CLGN: variants seen among roughly 807,000 people sequenced by gnomAD.
CLGN encodes calmegin.
In CLGN, 62 loss-of-function variants were observed where a neutral mutation model predicts 79.1. That is an observed-to-expected ratio of 0.78 (90% confidence interval 0.64 to 0.97). CLGN has a LOEUF of 0.97. CLGN is among the 50% of genes least tolerant of loss of function. The pLI is 0.00. For missense variants in CLGN, 647 were observed against 715.5 expected (o/e 0.90, Z 1.09); for synonymous variants, 225 against 224.7 (o/e 1.00, Z -0.01).
intron 6 of CLGN, among the ~76,000 whole-genome samples, 189 bp downstream of exon 6, chr4:140,401,796 C>T (rs918031590): frequency 9.9e-5 from 15 of 151,978 alleles, no homozygotes; most frequent in Non-Finnish European, 1.5e-4. Flanking sequence ...AAAATTGATG[C>T]CTTCAAGTAA....
At chr4:140,396,231 T>G in intron 8 of CLGN, 26 bp from the exon 9 acceptor site, 1 of 1,522,214 alleles carries the variant, frequency 6.6e-7, no homozygotes, top group Non-Finnish European at 9.1e-7. Context: ...TTTATATTAC[T>G]AATTATTCAG....
chr4:140,396,286 A>G, intron 8 of CLGN, 81 bp from the exon 9 acceptor site: 1 of 1,141,826 alleles, frequency 8.8e-7, no homozygotes, highest in Non-Finnish European at 1.3e-6. Flanking sequence ...GTACCATAAA[A>G]TTATTTCCCT....
intron 1 of CLGN, 76 bp from the exon 2 acceptor site, chr4:140,413,163 A>T: frequency 4.5e-6 from 5 of 1,102,586 alleles, no homozygotes; most frequent in Non-Finnish European, 6.6e-6. Flanking sequence ...AGAAATAAAT[A>T]ATTTCTCCAT....
In CLGN at chr4:140,396,134, G is replaced by A; in HGVS notation, c.956C>T (p.Pro319Leu). ...VKPAGWLDDE[P>L]KFIPDPNAEK... The stretch of plus-strand genomic sequence containing the variant: ...AGCATTAGGATCAGGGATAAATTTT[G>A]GTTCATCATCAAGCCAGCCAGCAGG... The change falls in exon 9 of 15, where the codon CCA becomes CTA. Residue 319 changes from proline to leucine, a missense_variant. Pro to Leu is a moderately conservative substitution (Grantham distance 98, BLOSUM62 -3). Transcript: ENST00000325617. The A allele has an allele frequency of 6.2e-7, 1 of 1,614,086 alleles. No individual in the cohort carries two copies. Among genetic ancestry groups the A allele is most frequent in the African/African-American group, 1.3e-5 (1 of 75,014 alleles).
At position 140,395,654 on chromosome 4, in the gene CLGN, T is replaced by C. The variant is rs183348120; in HGVS notation, c.1149+165A>G. ...TTTATTTCCCCAGAAAATTAAATAA[T>C]TGATGCTCTACTTTTAAAATATAAA... On this transcript the variant is annotated intron_variant, in intron 10 of 14. Transcript: ENST00000325617. 3.2e-3 allele frequency among the ~76,000 whole-genome samples: 484 copies of C among 152,320 alleles called. 5 individuals carry two copies. The highest frequency in any genetic ancestry group is 0.011 in the African/African-American group (457 of 41,562).
At chr4:140,401,833 G>C in intron 6 of CLGN, 152 bp downstream of exon 6, 1 of 502,246 alleles carries the variant, frequency 2.0e-6, no homozygotes, top group Non-Finnish European at 3.5e-6. Flanking sequence ...ACTTGAAGGC[G>C]AATTGTAAGA....
chr4:140,412,904 T>C lies in CLGN; in HGVS notation c.144+31A>G, dbSNP rs1245275368. The stretch of plus-strand genomic sequence containing the variant: ...CACTTCATTGTACTATGTAAAGGAA[T>C]AATTTATAACCCATTTCTCAATAAC... On this transcript the variant is annotated intron_variant, in intron 2 of 14. Transcript: ENST00000325617. 4 of 1,588,922 alleles carry C rather than the reference T, an allele frequency of 2.5e-6. No homozygotes were observed. In the African/African-American group the frequency reaches 5.4e-5, roughly 21 times the overall value.
chr4:140,389,049 T>C lies in CLGN; in HGVS notation c.*175A>G. The C allele has an allele frequency of 1.7e-6, 1 of 579,328 alleles. No homozygotes were observed. The highest frequency in any genetic ancestry group is 2.3e-5 in the South Asian group (1 of 43,036). The allele number at this position is 579,328 out of a possible 1,614,324, so 35.9% of individuals were successfully genotyped here. A position where few individuals can be genotyped will look rare whatever the true frequency, so the allele number is the denominator to read the frequency against. ...ATTCTAAATTCAAAGATGAGGTAAC[T>C]TCAAAGTTGCTTCTTTTTCCTCTGA... is the stretch of plus-strand genomic sequence containing the variant. On this transcript the variant is annotated 3_prime_UTR_variant, in exon 15 of 15. Transcript: ENST00000325617.
At position 140,406,092 on chromosome 4, in the gene CLGN, T is replaced by C. The variant is rs756266382; in HGVS notation, c.278-9A>G. 4 of 1,610,892 alleles carry C rather than the reference T, an allele frequency of 2.5e-6. No homozygotes were observed. The highest frequency in any genetic ancestry group is 3.4e-6 in the Non-Finnish European group (4 of 1,178,894). On this transcript the variant is annotated splice_polypyrimidine_tract_variant and intron_variant, in intron 4 of 14. Transcript: ENST00000325617. ...TTCAATTTCCCATCTTCCTAAAAAA[T>C]AAAGCAAAGCAAATTAAACTAAAAC...
intron 10 of CLGN, among the ~76,000 whole-genome samples, chr4:140,394,248 T>C (rs1728829074): frequency 6.6e-6 from 1 of 152,290 alleles, no homozygotes; most frequent in Non-Finnish European, 1.5e-5. Flanking sequence ...GATACTAACT[T>C]TAAATTCTGC....
chr4:140,409,800 A>G lies in CLGN; in HGVS notation c.277+37T>C, dbSNP rs1729177110. ...CTCAAAGTTTAGTGAACTCCAGGCC[A>G]TACTGGTTATATCTAATACTTAAAT... On this transcript the variant is annotated intron_variant, in intron 4 of 14. Transcript: ENST00000325617. 3 of 1,385,390 alleles carry G rather than the reference A, an allele frequency of 2.2e-6. No homozygotes were observed. The East Asian group carries it at 7.3e-5, about 33-fold the overall frequency. The allele number at this position is 1,385,390 out of a possible 1,614,324, so 85.8% of individuals were successfully genotyped here.
chr4:140,416,443 A>T (rs576755449), intron 1 of CLGN, among the ~76,000 whole-genome samples: 28 of 151,012 alleles, frequency 1.9e-4, no homozygotes, highest in African/African-American at 6.8e-4. Context: ...AACAAAATTG[A>T]TAGACTGCTA....
chr4:140,420,556 A>ATTT (rs1560749173), intron 1 of CLGN, among the ~76,000 whole-genome samples: 7 of 145,064 alleles, frequency 4.8e-5, no homozygotes, highest in African/African-American at 1.9e-4. Flanking sequence ...CTTTTTTTTA[A>ATTT]AAAAAAAAAT....
At chr4:140,423,503 T>C (rs150306976) in intron 1 of CLGN, among the ~76,000 whole-genome samples, 61 of 152,348 alleles carry the variant, frequency 4.0e-4, no homozygotes, top group African/African-American at 1.4e-3. Context: ...TTTCTTGTAG[T>C]GTCTTTGGCT....
intron 7 of CLGN, 61 bp downstream of exon 7, chr4:140,400,296 C>T: frequency 8.1e-7 from 1 of 1,237,272 alleles, no homozygotes; most frequent in Non-Finnish European, 1.2e-6. Flanking sequence ...AAGCACTTGC[C>T]ATGAATACAT....
chr4:140,391,676 C>T (rs1388784036), intron 13 of CLGN, among the ~76,000 whole-genome samples: 1 of 151,816 alleles, frequency 6.6e-6, no homozygotes, highest in Non-Finnish European at 1.5e-5. Flanking sequence ...CGGACAGCCA[C>T]CAAAGGGTGA....
intron 6 of CLGN, among the ~76,000 whole-genome samples, chr4:140,401,451 T>G (rs184010463): frequency 6.6e-6 from 1 of 152,324 alleles, no homozygotes. Flanking sequence ...TTCTGTTATA[T>G]GCAGAAAGTC....
At chr4:140,405,873 A>G in intron 5 of CLGN, 69 bp downstream of exon 5, 6 of 1,455,034 alleles carry the variant, frequency 4.1e-6, no homozygotes, top group Non-Finnish European at 5.5e-6. Context: ...TTCAAAATAC[A>G]AGCTATATTC....
chr4:140,393,957 C>G lies in CLGN; in HGVS notation c.1234G>C (p.Gly412Arg). 1 of 1,613,518 alleles carries G rather than the reference C, an allele frequency of 6.2e-7. No individual in the cohort carries two copies. The highest frequency in any genetic ancestry group is 8.5e-7 in the Non-Finnish European group (1 of 1,179,640). Residue 412 changes from glycine (G) to arginine (R), a missense_variant, in exon 11 of 15, where the codon GGT becomes CGT. Transcript: ENST00000325617. ...GAGGTCATAGACCAAAGCTCTAAACCAAGAGCACTGAAAGAAGTCAGAAGA... is the reference window on the plus strand; with the variant it reads ...GAGGTCATAGACCAAAGCTCTAAACGAAGAGCACTGAAAGAAGTCAGAAGA... ...PFLLTSFSAL[G>R]LELWSMTSDI...
Sources: gnomAD v4.1 joint callset for allele counts (sites outside exome capture counted in the v4.1 genomes callset) on GRCh38, gnomAD v4.1.1 for gene constraint, MANE v1.5 for transcripts, NCBI Gene and HGNC (gene_info 2026-07-23, HGNC 2026-07-21) for gene names.